JAK1: variants seen among roughly 807,000 people sequenced by gnomAD.
JAK1 encodes the protein tyrosine-protein kinase JAK1.
A neutral mutation model predicts 136.6 loss-of-function variants in JAK1; 16 were observed. The observed-to-expected ratio is 0.12, with a 90% CI of 0.08 to 0.18. The LOEUF is 0.18. Ranked by LOEUF, JAK1 falls within the 10% of genes least tolerant of loss-of-function variation. JAK1 has a pLI of 1.00. For missense variants in JAK1, 859 were observed against 1,450.1 expected, an observed-to-expected ratio of 0.59 and a Z score of 6.62; for synonymous variants, 492 against 519.5, an observed-to-expected ratio of 0.95 and a Z score of 0.72.
In JAK1 at chr1:64,850,897, C is replaced by A; in HGVS notation, c.1662G>T (p.Leu554=). Residue 554 remains leucine (L), a synonymous_variant, in exon 12 of 25, where the codon CTG becomes CTT. Transcript: ENST00000342505. ...CCTGGGCTTTCTTAGTAGCCACCAG[C>A]AGGTTGGAGATTTCTGTGGAAGAGA... The part of the protein sequence containing the change: ...CQPKPREISN[L]LVATKKAQEW... 1 of 1,613,096 alleles carries A rather than the reference C, an allele frequency of 6.2e-7. No individual in the cohort carries two copies. Among genetic ancestry groups the A allele is most frequent in the Non-Finnish European group, 8.5e-7 (1 of 1,179,076 alleles).
chr1:65,036,359 C>A (rs1647074736), intron 2 of JAK1, among the ~76,000 whole-genome samples: 1 of 151,940 alleles, frequency 6.6e-6, no homozygotes, highest in African/African-American at 2.4e-5. Context: ...CACTTGAGCC[C>A]AGGAGTTTGA....
chr1:64,985,295 T>C (rs1646587808), intron 2 of JAK1: 1 of 1,609,912 alleles, frequency 6.2e-7, no homozygotes, highest in Non-Finnish European at 8.5e-7. Context: ...TGATGGGCTG[T>C]CGGTAGCTGG....
intron 2 of JAK1, among the ~76,000 whole-genome samples, chr1:65,013,521 T>C (rs1318848660): frequency 6.6e-6 from 1 of 152,162 alleles, no homozygotes; most frequent in Admixed American, 6.5e-5. Flanking sequence ...ACCAGTACAA[T>C]GAGGAAACAA....
At position 64,840,105 on chromosome 1, in the gene JAK1, G is replaced by A. The variant is rs114082970; in HGVS notation, c.2650-310C>T. ...TTTCTGGGCCTGCAGGACAACTGCC[G>A]TTCTCTAAAAGCCCTGGGCTCACGT... On this transcript the variant is annotated intron_variant, in intron 19 of 24. Transcript: ENST00000342505. Among the ~76,000 whole-genome samples, 839 of 152,310 alleles carry A rather than the reference G, an allele frequency of 5.5e-3. 8 individuals carry two copies. Among genetic ancestry groups the A allele is most frequent in the Non-Finnish European group, 8.5e-3 (577 of 68,034 alleles).
Position 65,035,748 on chromosome 1 carries a change from C to G in JAK1, c.-78+8732G>C, listed in dbSNP as rs1647066766. Among the ~76,000 whole-genome samples the G allele has an allele frequency of 2.6e-5, 4 of 152,180 alleles. No individual in the cohort carries two copies. The South Asian group carries it at 8.3e-4, about 32-fold the overall frequency. The stretch of plus-strand genomic sequence containing the variant: ...CAAAGGACAGACCCAGGAAGCACAT[C>G]TGAAATAATCATAGCAACATAACTA... On this transcript the variant is annotated intron_variant, in intron 2 of 25. Coordinates refer to the JAK1 transcript ENST00000671954.
chr1:64,873,623 T>G lies in JAK1; in HGVS notation c.330-100A>C. On this transcript the variant is annotated intron_variant, in intron 4 of 24. Transcript: ENST00000342505. ...CAGTGGTCAGTGCCGGAGGCTGAAG[T>G]GCCCTGAGAAGCAGGCAGACAACCC... 1.5e-6 allele frequency: 2 copies of G among 1,370,352 alleles called. 1 individual carries two copies. Among genetic ancestry groups the G allele is most frequent in the South Asian group, 2.4e-5 (2 of 82,740 alleles). The allele number at this position is 1,370,352 out of a possible 1,614,324, so 84.9% of individuals were successfully genotyped here.
chr1:64,888,239 T>C (rs937202588), intron 1 of JAK1, among the ~76,000 whole-genome samples: 2 of 152,232 alleles, frequency 1.3e-5, no homozygotes, highest in African/African-American at 4.8e-5. Context: ...TGGAGTGCAG[T>C]GGCATGATCT....
rs999339700 is a variant in JAK1, at chr1:64,913,268, T to A, written c.-77-26927A>T. Among the ~76,000 whole-genome samples, 68 of 152,160 alleles carry A rather than the reference T, an allele frequency of 4.5e-4. 1 individual carries two copies. The highest frequency in any genetic ancestry group is 1.6e-3 in the African/African-American group (67 of 41,506). On this transcript the variant is annotated intron_variant, in intron 1 of 24. Coordinates refer to ENST00000342505, the MANE Select transcript of JAK1 (RefSeq NM_002227.4). ...TGTCCATATAATTTACTGTACCAAC[T>A]AGGAGATATTAAAACATCAGGAACT...
chr1:65,031,256 T>C (rs1647021771), intron 2 of JAK1, among the ~76,000 whole-genome samples: 2 of 151,480 alleles, frequency 1.3e-5, no homozygotes, highest in Admixed American at 6.6e-5. Flanking sequence ...TGTTCTAAGA[T>C]AAAGCAGCAT....
chr1:65,058,420 G>T lies in JAK1; in HGVS notation c.-181+9184C>A, dbSNP rs750699870. 1.5e-5 allele frequency: 8 copies of T among 534,222 alleles called. 1 individual carries two copies. Among genetic ancestry groups the T allele is most frequent in the South Asian group, 1.1e-4 (8 of 71,574 alleles). The allele number at this position is 534,222 out of a possible 1,614,324, so 33.1% of individuals were successfully genotyped here. ...TGGGTACGGTGAGGCTCCTCTGATG[G>T]AAGGTAAGATGGCTGCCATCCTTCA... is the stretch of plus-strand genomic sequence containing the variant. On this transcript the variant is annotated intron_variant, in intron 1 of 25. Coordinates refer to the JAK1 transcript ENST00000671954.
intron 13 of JAK1, chr1:64,847,059 C>CATATT (rs1655282306): frequency 2.1e-6 from 1 of 472,248 alleles, no homozygotes; most frequent in Non-Finnish European, 3.8e-6. Flanking sequence ...GGGAAATACC[C>CATATT]ATATTTAGCA....
At chr1:64,928,790 A>AAAAAAAAC (rs1645633421) in intron 1 of JAK1, among the ~76,000 whole-genome samples, 2 of 125,794 alleles carry the variant, frequency 1.6e-5, no homozygotes, top group Admixed American at 7.5e-5. Flanking sequence ...AAAAAAAAAA[A>AAAAAAAAC]AAAAAACAAA....
Position 64,833,791 on chromosome 1 carries a change from A to G in JAK1, c.*771T>C, listed in dbSNP as rs1480996343. 1 of 232,906 alleles carries G rather than the reference A, an allele frequency of 4.3e-6. No individual in the cohort carries two copies. The highest frequency in any genetic ancestry group is 8.5e-6 in the Non-Finnish European group (1 of 117,858). The allele number at this position is 232,906 out of a possible 1,614,324, so 14.4% of individuals were successfully genotyped here. On this transcript the variant is annotated 3_prime_UTR_variant, in exon 25 of 25. Transcript: ENST00000342505. ...GACGTTTCTTAAAAGCATGTGTAATAGCATCCAGGTTCTGGGAATGAGTTC... is the reference window on the plus strand; with the variant it reads ...GACGTTTCTTAAAAGCATGTGTAATGGCATCCAGGTTCTGGGAATGAGTTC...
intron 1 of JAK1, among the ~76,000 whole-genome samples, chr1:64,913,659 G>A (rs200901100): frequency 4.8e-3 from 76 of 15,854 alleles, no homozygotes; most frequent in East Asian, 0.011. Context: ...AAGGAAAGAA[G>A]GAAGGAAGGA....
chr1:64,941,579 T>G (rs1234889317), intron 1 of JAK1, among the ~76,000 whole-genome samples: 1 of 152,046 alleles, frequency 6.6e-6, no homozygotes, highest in Admixed American at 6.6e-5. Context: ...CCTTTCAGAG[T>G]CCTCTGCTCT....
chr1:65,023,673 T>C (rs1472339823), intron 2 of JAK1, among the ~76,000 whole-genome samples: 1 of 152,096 alleles, frequency 6.6e-6, no homozygotes, highest in Non-Finnish European at 1.5e-5. Context: ...TTAGTAGAGA[T>C]GGGGTTTCAC....
At chr1:65,026,933 C>T (rs1450677942) in intron 2 of JAK1, among the ~76,000 whole-genome samples, 3 of 151,954 alleles carry the variant, frequency 2.0e-5, no homozygotes, top group Non-Finnish European at 4.4e-5. Context: ...GCCTGGGCAA[C>T]AGAGTTAGGC....
upstream of JAK1, among the ~76,000 whole-genome samples, chr1:64,967,660 G>A (rs903038490): frequency 6.6e-6 from 1 of 152,212 alleles, no homozygotes; most frequent in African/African-American, 2.4e-5. Flanking sequence ...TCTGGGTGTG[G>A]AATAAAGTCA....
intron 20 of JAK1, among the ~76,000 whole-genome samples, chr1:64,839,062 C>T (rs200452361): frequency 4.7e-4 from 66 of 139,882 alleles, no homozygotes; most frequent in Middle Eastern, 3.6e-3. Flanking sequence ...AGGAGAATGG[C>T]GTGAACCCGG....
Sources: allele counts gnomAD v4.1 joint callset (sites outside exome capture counted in the v4.1 genomes callset), GRCh38; gene constraint gnomAD v4.1.1; transcripts MANE v1.5; gene names NCBI Gene and HGNC (gene_info 2026-07-23, HGNC 2026-07-21).